ORC5: variants seen among roughly 807,000 people sequenced by gnomAD.
ORC5 encodes origin recognition complex subunit 5.
Under a neutral mutation model 58.8 loss-of-function variants are expected in ORC5, and 39 were observed. The observed-to-expected ratio is 0.66, with a 90% CI of 0.51 to 0.87. ORC5 has a LOEUF of 0.87. ORC5 is among the 40% of genes least tolerant of loss of function. The pLI is 0.00. For missense variants in ORC5, 493 were observed against 506.3 expected (o/e 0.97, Z 0.25); for synonymous variants, 218 against 177.6 (o/e 1.23, Z -1.81).
chr7:104,206,905 C>G (rs929054983), intron 1 of ORC5, among the ~76,000 whole-genome samples: 12 of 152,184 alleles, frequency 7.9e-5, no homozygotes, highest in Non-Finnish European at 1.8e-4. Flanking sequence ...CTACACCATA[C>G]AGCCTAGGTG....
intron 2 of ORC5, among the ~76,000 whole-genome samples, chr7:104,201,625 A>AT (rs752070055): frequency 2.2e-5 from 3 of 135,312 alleles, no homozygotes; most frequent in Admixed American, 7.1e-5. Flanking sequence ...CCCTGTCACT[A>AT]TTAAAAAAAA....
At chr7:104,141,298 G>C (rs1022201011) in intron 12 of ORC5, among the ~76,000 whole-genome samples, 1 of 152,180 alleles carries the variant, frequency 6.6e-6, no homozygotes, top group Non-Finnish European at 1.5e-5. Context: ...ATTCACCGTA[G>C]AGGTGGAGCT....
intron 2 of ORC5, among the ~76,000 whole-genome samples, chr7:104,201,953 G>A (rs1012092543): frequency 6.6e-6 from 1 of 152,002 alleles, no homozygotes; most frequent in East Asian, 1.9e-4. Flanking sequence ...AGACAGGCCT[G>A]GTGGTGCACA....
At chr7:104,146,418 C>G (rs2385132) in intron 12 of ORC5, among the ~76,000 whole-genome samples, 18,984 of 151,700 alleles carry the variant, frequency 0.13, 2,533 homozygotes, top group East Asian at 0.46. Flanking sequence ...AGATGTCCTT[C>G]AACAGGTGAA....
At chr7:104,187,426 A>T (rs741325) in intron 6 of ORC5, 102,464 of 152,070 alleles carry the variant, frequency 0.67, 35,241 homozygotes, top group Non-Finnish European at 0.75. Context: ...ACACACTGAA[A>T]CTAAGTAATA....
chr7:104,144,316 A>G lies in ORC5; in HGVS notation c.1150-7423T>C, dbSNP rs1021148884. The stretch of plus-strand genomic sequence containing the variant: ...TAAATGAAAACTACTGGAAAAATAC[A>G]TATAAAACTTTAAAAATTATTTCTA... On this transcript the variant is annotated intron_variant, in intron 12 of 13. Coordinates refer to ENST00000297431, the MANE Select transcript of ORC5 (RefSeq NM_002553.4). 2.6e-5 allele frequency among the ~76,000 whole-genome samples: 4 copies of G among 152,214 alleles called. No homozygotes were observed. In the East Asian group the frequency reaches 7.7e-4, roughly 29 times the overall value.
At chr7:104,144,938 G>A (rs1299079515) in intron 12 of ORC5, among the ~76,000 whole-genome samples, 1 of 152,124 alleles carries the variant, frequency 6.6e-6, no homozygotes, top group African/African-American at 2.4e-5. Flanking sequence ...GATTCATCGT[G>A]GTGTCTCAGT....
intron 4 of ORC5, among the ~76,000 whole-genome samples, chr7:104,195,511 C>A (rs747429829): frequency 1.7e-4 from 26 of 152,180 alleles, no homozygotes; most frequent in Non-Finnish European, 3.5e-4. Flanking sequence ...AAGTGATCCT[C>A]CTATACCTCT....
chr7:104,166,684 T>C, intron 10 of ORC5, 88 bp downstream of exon 10: 1 of 726,116 alleles, frequency 1.4e-6, no homozygotes, highest in Non-Finnish European at 2.4e-6. Context: ...TCTAATCTCT[T>C]CCCCTTAGAA....
At chr7:104,192,477 G>C (rs1024945388) in intron 5 of ORC5, among the ~76,000 whole-genome samples, 2 of 152,018 alleles carry the variant, frequency 1.3e-5, no homozygotes, top group Admixed American at 6.6e-5. Flanking sequence ...TAGAAGTAGA[G>C]CTAAAATTAG....
intron 12 of ORC5, among the ~76,000 whole-genome samples, chr7:104,145,832 T>C (rs194862): frequency 0.36 from 54,669 of 151,968 alleles, 11,037 homozygotes; most frequent in East Asian, 0.56. Context: ...CCCAGCACTT[T>C]CCAATCCACA....
intron 3 of ORC5, among the ~76,000 whole-genome samples, 159 bp downstream of exon 3, chr7:104,200,599 C>T (rs1799914644): frequency 6.6e-6 from 1 of 152,148 alleles, no homozygotes; most frequent in African/African-American, 2.4e-5. Flanking sequence ...AATGAAGCTT[C>T]CCTTGGATAA....
At chr7:104,144,983 A>G (rs900631538) in intron 12 of ORC5, among the ~76,000 whole-genome samples, 1 of 152,190 alleles carries the variant, frequency 6.6e-6, no homozygotes, top group Non-Finnish European at 1.5e-5. Flanking sequence ...TAAATAAGGG[A>G]GAGGTGGGGC....
intron 12 of ORC5, among the ~76,000 whole-genome samples, chr7:104,142,095 G>A (rs1289007940): frequency 1.3e-5 from 2 of 152,000 alleles, no homozygotes; most frequent in Admixed American, 6.6e-5. Flanking sequence ...CACATATAAG[G>A]TCAACTAATC....
intron 12 of ORC5, among the ~76,000 whole-genome samples, chr7:104,156,194 AG>A (rs76121888): frequency 0.42 from 63,940 of 151,308 alleles, 15,973 homozygotes; most frequent in Non-Finnish European, 0.58. Context: ...AAATGACCCA[AG>A]ATAATGACTG....
chr7:104,206,885 G>A (rs919449772), intron 1 of ORC5, among the ~76,000 whole-genome samples: 2 of 152,184 alleles, frequency 1.3e-5, no homozygotes, highest in African/African-American at 4.8e-5. Context: ...TATAGCCTAG[G>A]AGGAACAGGC....
intron 2 of ORC5, among the ~76,000 whole-genome samples, chr7:104,203,514 C>T (rs1359336027): frequency 1.3e-5 from 2 of 152,216 alleles, no homozygotes; most frequent in Non-Finnish European, 2.9e-5. Context: ...GCTTACTACG[C>T]ACTATGTACT....
chr7:104,187,889 C>G (rs1394305735), intron 6 of ORC5: 17 of 990,984 alleles, frequency 1.7e-5, no homozygotes, highest in Non-Finnish European at 1.8e-5. Context: ...AAAATATTAA[C>G]AGAGTTGTAA....
chr7:104,126,632 G>A lies in ORC5; in HGVS notation c.*216C>T, dbSNP rs1798433463. 1 of 471,160 alleles carries A rather than the reference G, an allele frequency of 2.1e-6. No individual in the cohort carries two copies. The highest frequency in any genetic ancestry group is 3.7e-6 in the Non-Finnish European group (1 of 268,434). 29.2% of individuals were successfully genotyped at this position (471,160 alleles called of 1,614,324 possible). A position where few individuals can be genotyped will look rare whatever the true frequency, so the allele number is the denominator to read the frequency against. ...CCCTGCTGTTTATAATTAACACGTTGCTTCCAAATACTCCAGGGTCCCTGG... is the reference window on the plus strand; with the variant it reads ...CCCTGCTGTTTATAATTAACACGTTACTTCCAAATACTCCAGGGTCCCTGG... On this transcript the variant is annotated 3_prime_UTR_variant, in exon 14 of 14. Coordinates refer to ENST00000297431, the MANE Select transcript of ORC5 (RefSeq NM_002553.4).
Sources: allele counts gnomAD v4.1 joint callset (sites outside exome capture counted in the v4.1 genomes callset), GRCh38; gene constraint gnomAD v4.1.1; transcripts MANE v1.5; gene names NCBI Gene and HGNC (gene_info 2026-07-23, HGNC 2026-07-21).